Variants in FAM20B observed in about 807,000 individuals in gnomAD.
FAM20B encodes the protein glycosaminoglycan xylosylkinase.
Under a neutral mutation model 43.8 loss-of-function variants are expected in FAM20B, and 23 were observed. That is an observed-to-expected ratio of 0.53 (90% CI 0.38 to 0.74). The LOEUF (loss-of-function observed/expected upper bound fraction) is 0.74. Among genes scored for constraint, FAM20B ranks in the 30% least tolerant of loss-of-function variants. The probability of loss-of-function intolerance (pLI) is 0.00; values close to 1 mark genes in which losing one functional copy is unlikely to be tolerated. For synonymous variants in FAM20B, 178 were observed against 192.4 expected, an observed-to-expected ratio of 0.93 and a Z score of 0.62; for missense variants, 440 against 510.5, an observed-to-expected ratio of 0.86 and a Z score of 1.33.
At chr1:179,019,864 C>T in the FAM20B span, among the ~76,000 whole-genome samples, 1 of 152,186 alleles carries the variant, frequency 6.6e-6, no homozygotes, top group African/African-American at 2.4e-5. Flanking sequence ...ACACTCCCTT[C>T]AGTGGTCCCC....
At chr1:179,022,077 T>A (rs1486802605), upstream of FAM20B, among the ~76,000 whole-genome samples, 2 of 152,146 alleles carry the variant, frequency 1.3e-5, no homozygotes, top group African/African-American at 4.8e-5. Context: ...ATGGGGTAAG[T>A]GGGCAGTCCG....
intron 1 of FAM20B, among the ~76,000 whole-genome samples, chr1:179,043,505 G>C (rs1264575868): frequency 1.3e-5 from 2 of 152,220 alleles, no homozygotes; most frequent in Non-Finnish European, 2.9e-5. Flanking sequence ...TCCCACTGCA[G>C]CTGGTGTCTT....
intron 4 of FAM20B, among the ~76,000 whole-genome samples, chr1:179,058,215 CTA>C (rs1241311877): frequency 6.6e-6 from 1 of 152,120 alleles, no homozygotes; most frequent in African/African-American, 2.4e-5. Context: ...TGATTTCAAA[CTA>C]TGATTATAAA....
chr1:179,041,280 G>A (rs1181300099), intron 1 of FAM20B, among the ~76,000 whole-genome samples: 2 of 152,178 alleles, frequency 1.3e-5, no homozygotes, highest in Non-Finnish European at 2.9e-5. Flanking sequence ...CTGCAATCTC[G>A]GCCTTTTGGG....
At chr1:179,062,245 G>A (rs146230041) in intron 4 of FAM20B, among the ~76,000 whole-genome samples, 1 of 152,244 alleles carries the variant, frequency 6.6e-6, no homozygotes, top group East Asian at 1.9e-4. Context: ...TACTTCCTGG[G>A]TGTCATTGTT....
rs547870311 is a variant in FAM20B, at chr1:179,057,174, G to A, written c.574+2536G>A. Among the ~76,000 whole-genome samples, 8 of 152,152 alleles carry A rather than the reference G, an allele frequency of 5.3e-5. No homozygotes were observed. In the South Asian group the frequency reaches 1.7e-3, roughly 32 times the overall value. On this transcript the variant is annotated intron_variant, in intron 4 of 7. Transcript: ENST00000263733. ...AGCCTGGCCAATATGGTGAAACCCT[G>A]TCTCTACTAAAAACACGAAAATTAG...
chr1:179,065,134 G>A (rs187639295), intron 6 of FAM20B, among the ~76,000 whole-genome samples: 1 of 151,368 alleles, frequency 6.6e-6, no homozygotes, highest in Non-Finnish European at 1.5e-5. Flanking sequence ...GTGGTGGCCG[G>A]TTTAGTGCCA....
intron 2 of FAM20B, among the ~76,000 whole-genome samples, 156 bp from the exon 3 acceptor site, chr1:179,050,123 C>T (rs887955350): frequency 1.1e-4 from 16 of 152,158 alleles, no homozygotes; most frequent in South Asian, 4.1e-4. Flanking sequence ...TTCCATCTAC[C>T]GGCAATTCAT....
intron 1 of FAM20B, among the ~76,000 whole-genome samples, chr1:179,033,208 G>A (rs987065493): frequency 6.6e-6 from 1 of 152,216 alleles, no homozygotes; most frequent in African/African-American, 2.4e-5. Context: ...GTGTCAGTGT[G>A]TGAATGTGTG....
intron 7 of FAM20B, among the ~76,000 whole-genome samples, chr1:179,070,730 G>C (rs1232370740): frequency 6.6e-6 from 1 of 151,334 alleles, no homozygotes; most frequent in Non-Finnish European, 1.5e-5. Flanking sequence ...TTACCATGTT[G>C]GCCAGCCTGG....
Position 179,026,901 on chromosome 1 carries a change from G to A in FAM20B, c.-134+803G>A, listed in dbSNP as rs75595101. On this transcript the variant is annotated intron_variant, in intron 1 of 7. Coordinates refer to ENST00000263733, the MANE Select transcript of FAM20B (RefSeq NM_014864.4). ...TGCCAGTCTCCGGATAAGAAGAGAA[G>A]GGGTAGAAGGATGGATTGGAGGGAA... is the stretch of plus-strand genomic sequence containing the variant. Among the ~76,000 whole-genome samples the A allele has an allele frequency of 3.0e-3, 456 of 152,338 alleles. 2 individuals are homozygous for A. The highest frequency in any genetic ancestry group is 0.011 in the African/African-American group (445 of 41,570).
intron 1 of FAM20B, among the ~76,000 whole-genome samples, chr1:179,031,697 T>G (rs1329026982): frequency 6.6e-6 from 1 of 152,218 alleles, no homozygotes; most frequent in Non-Finnish European, 1.5e-5. Flanking sequence ...AAGGAAAACC[T>G]GACACTTGGA....
intron 1 of FAM20B, chr1:179,035,379 G>A (rs1290135981): frequency 3.5e-5 from 25 of 705,506 alleles, no homozygotes; most frequent in South Asian, 1.9e-4. Context: ...TTCGGTCCTC[G>A]TGGGCTTCAT....
intron 7 of FAM20B, 95 bp from the exon 8 acceptor site, chr1:179,071,818 T>C (rs925452872): frequency 2.5e-6 from 2 of 814,208 alleles, no homozygotes; most frequent in Non-Finnish European, 4.1e-6. Flanking sequence ...GGATTTTACC[T>C]AATTATTTTT....
chr1:179,062,470 G>A (rs1314312025), intron 4 of FAM20B, among the ~76,000 whole-genome samples: 1 of 151,868 alleles, frequency 6.6e-6, no homozygotes, highest in Non-Finnish European at 1.5e-5. Context: ...GTCCAATATG[G>A]TGAAACCCCA....
At chr1:179,036,276 T>TA (rs1650222454) in intron 1 of FAM20B, among the ~76,000 whole-genome samples, 1 of 152,256 alleles carries the variant, frequency 6.6e-6, no homozygotes, top group Admixed American at 6.5e-5. Flanking sequence ...ATGCCAGCTT[T>TA]TCATGTGAAA....
At chr1:179,063,689 C>G (rs1651568728) in intron 4 of FAM20B, among the ~76,000 whole-genome samples, 1 of 152,208 alleles carries the variant, frequency 6.6e-6, no homozygotes, top group African/African-American at 2.4e-5. Flanking sequence ...AGAAAGGACA[C>G]AGGAGGCAAG....
At chr1:179,035,670 G>C (rs909937838) in intron 1 of FAM20B, 2 of 384,060 alleles carry the variant, frequency 5.2e-6, no homozygotes, top group Admixed American at 7.8e-5. Context: ...GCATGGACCG[G>C]AGAGGAGATT....
At chr1:179,049,437 A>G (rs1294885762) in intron 2 of FAM20B, among the ~76,000 whole-genome samples, 1 of 152,222 alleles carries the variant, frequency 6.6e-6, no homozygotes, top group African/African-American at 2.4e-5. Context: ...ACTTTTTTCA[A>G]AAGCGCTGTT....
Sources: gnomAD v4.1 joint callset for allele counts (sites outside exome capture counted in the v4.1 genomes callset) on GRCh38, gnomAD v4.1.1 for gene constraint, MANE v1.5 for transcripts, NCBI Gene and HGNC (gene_info 2026-07-23, HGNC 2026-07-21) for gene names.